Variants in NUP43 observed in about 807,000 individuals in gnomAD.
NUP43 encodes nucleoporin 43.
In NUP43, 32 loss-of-function variants were observed where a neutral mutation model predicts 47.3. The ratio of observed to expected loss-of-function variants is 0.68; its 90% CI spans 0.51 to 0.91. NUP43 has a LOEUF of 0.91. Ranked by LOEUF, NUP43 falls within the 40% of genes least tolerant of loss-of-function variation. The probability of loss-of-function intolerance (pLI) is 0.00; values close to 1 mark genes in which losing one functional copy is unlikely to be tolerated. For missense variants in NUP43, 444 were observed against 453.9 expected (o/e 0.98, Z 0.20); for synonymous variants, 147 against 158.4 (o/e 0.93, Z 0.54).
chr6:149,729,482 T>C (rs1293683331), intron 7 of NUP43: 3 of 978,224 alleles, frequency 3.1e-6, no homozygotes, highest in Non-Finnish European at 3.6e-6. Flanking sequence ...ACAACACTGG[T>C]GGTAGTTTCA....
Position 149,725,447 on chromosome 6 carries a change from G to C in NUP43, c.*1522C>G, listed in dbSNP as rs1784760182. ...CTACTAAAAATACAAAAATTAGCTG[G>C]GTGTGGTGGTGAGCACCTGTAATCC... On this transcript the variant is annotated 3_prime_UTR_variant, in exon 8 of 8. Transcript: ENST00000340413. 2 of 152,228 alleles carry C rather than the reference G, an allele frequency of 1.3e-5. No individual in the cohort carries two copies. Among genetic ancestry groups the C allele is most frequent in the Admixed American group, 6.5e-5 (1 of 15,274 alleles). The allele number at this position is 152,228 out of a possible 1,614,324, so 9.4% of individuals were successfully genotyped here.
rs1784719328 is a variant in NUP43 at position 149,724,417 on chromosome 6, C to T, written c.*2552G>A. 6.9e-6 allele frequency: 1 copy of T among 144,778 alleles called. No homozygotes were observed. Among genetic ancestry groups the T allele is most frequent in the African/African-American group, 2.5e-5 (1 of 39,428 alleles). The allele number at this position is 144,778 out of a possible 1,614,324, so 9.0% of individuals were successfully genotyped here. A position where few individuals can be genotyped will look rare whatever the true frequency, so the allele number is the denominator to read the frequency against. On this transcript the variant is annotated 3_prime_UTR_variant, in exon 8 of 8. Transcript: ENST00000340413. ...ACATAACAACTGGTGATTGGCTCATCTCACAGGCTCACATCATCAGTGTGT... is the reference window on the plus strand; with the variant it reads ...ACATAACAACTGGTGATTGGCTCATTTCACAGGCTCACATCATCAGTGTGT...
rs558297494 is a variant in NUP43, at chr6:149,725,263, G to C, written c.*1706C>G. On this transcript the variant is annotated 3_prime_UTR_variant, in exon 8 of 8. Transcript: ENST00000340413. Reference sequence around the variant, plus strand: ...ACCTGTGGTCAGGAGTTCGAGACCAGCCCTGGCCAACATGGTGAAACCCTG... The same window carrying C: ...ACCTGTGGTCAGGAGTTCGAGACCACCCCTGGCCAACATGGTGAAACCCTG... 6.6e-6 allele frequency: 1 copy of C among 152,078 alleles called. No individual in the cohort carries two copies. Among genetic ancestry groups the C allele is most frequent in the African/African-American group, 2.4e-5 (1 of 41,392 alleles). The allele number at this position is 152,078 out of a possible 1,614,324, so 9.4% of individuals were successfully genotyped here. A position where few individuals can be genotyped will look rare whatever the true frequency, so the allele number is the denominator to read the frequency against.
At chr6:149,742,268 C>G (rs1200927326) in intron 4 of NUP43, 122 bp downstream of exon 4, 1 of 794,500 alleles carries the variant, frequency 1.3e-6, no homozygotes, top group African/African-American at 1.7e-5. Flanking sequence ...TCAGGTGATC[C>G]ACCTGCCTCG....
At position 149,740,566 on chromosome 6, in the gene NUP43, T is replaced by G. The variant is rs567655843; in HGVS notation, c.503-1788A>C. Among the ~76,000 whole-genome samples the G allele has an allele frequency of 3.3e-5, 5 of 152,052 alleles. No individual in the cohort carries two copies. The East Asian group carries it at 7.7e-4, about 24-fold the overall frequency. ...ATCGCGTGAACCCAGGAGGTGGAGG[T>G]TGCAGTGAGCTGAGGTCGTGCCATT... On this transcript the variant is annotated intron_variant, in intron 4 of 7. Coordinates refer to ENST00000340413, the MANE Select transcript of NUP43 (RefSeq NM_198887.3).
At position 149,731,648 on chromosome 6, in the gene NUP43, G is replaced by A; in HGVS notation, c.878C>T (p.Thr293Ile). The A allele has an allele frequency of 1.9e-6, 3 of 1,613,616 alleles. No homozygotes were observed. The highest frequency in any genetic ancestry group is 1.3e-5 in the African/African-American group (1 of 74,962). The change falls in exon 7 of 8, where the codon ACA (threonine) becomes ATA (isoleucine). Residue 293 changes from threonine (T) to isoleucine (I), a missense_variant. Coordinates refer to ENST00000340413, the MANE Select transcript of NUP43 (RefSeq NM_198887.3). ...GAGTGACGACTTTTCAGGTACATCT[G>A]TGGAAGCATCCCAGTGCCAGAGGGA... Reference protein sequence around the residue: ...DGSLWHWDASTDVPEKSSLFH... With the variant: ...DGSLWHWDASIDVPEKSSLFH...
intron 7 of NUP43, among the ~76,000 whole-genome samples, chr6:149,731,110 A>G (rs1456827134): frequency 1.3e-5 from 2 of 151,910 alleles, no homozygotes; most frequent in Non-Finnish European, 2.9e-5. Flanking sequence ...TCTACTAAAA[A>G]TACAAAAAAA....
chr6:149,727,763 A>C, intron 7 of NUP43: 7 of 983,706 alleles, frequency 7.1e-6, no homozygotes, highest in Non-Finnish European at 8.4e-6. Flanking sequence ...TTAGAACACT[A>C]CTAGATTATA....
At chr6:149,731,549 T>A (rs1474124547) in intron 7 of NUP43, 64 bp downstream of exon 7, 99 of 1,422,544 alleles carry the variant, frequency 7.0e-5, no homozygotes, top group Non-Finnish European at 8.5e-5. Flanking sequence ...GGTGATAGAG[T>A]GAGACTCTGT....
Position 149,738,662 on chromosome 6 carries a change from G to A in NUP43, c.619C>T (p.Pro207Ser). The A allele has an allele frequency of 6.3e-7, 1 of 1,577,980 alleles. No individual in the cohort carries two copies. Among genetic ancestry groups the A allele is most frequent in the South Asian group, 1.2e-5 (1 of 82,050 alleles). ...IWDFRQQGNE[P>S]SQILSLTGDR... is the part of the protein sequence containing the mutation. ...ACTTACAGTGACAATATCTGAGAAG[G>A]CTCATTTCCTTGTTGTCTGAAATCC... Residue 207 changes from proline to serine, a missense_variant, in exon 5 of 8, where the codon CCT becomes TCT. Pro to Ser is a moderately conservative substitution (Grantham distance 74). Transcript: ENST00000340413.
At chr6:149,731,764 C>A (rs1422746406) in intron 6 of NUP43, 29 bp from the exon 7 acceptor site, 1 of 1,609,100 alleles carries the variant, frequency 6.2e-7, no homozygotes, top group South Asian at 1.1e-5. Flanking sequence ...TAAGCTCATT[C>A]CTGTGCAGAT....
At chr6:149,727,929 G>C in intron 7 of NUP43, 1 of 984,426 alleles carries the variant, frequency 1.0e-6, no homozygotes, top group South Asian at 4.7e-5. Flanking sequence ...AAATGACTGA[G>C]TACCTACTAT....
intron 5 of NUP43, among the ~76,000 whole-genome samples, chr6:149,737,274 A>G (rs1004714835): frequency 6.7e-6 from 1 of 148,402 alleles, no homozygotes; most frequent in Non-Finnish European, 1.5e-5. Context: ...ACAGAGTAAG[A>G]CTCTGTCTCA....
chr6:149,746,147 C>T lies in NUP43; in HGVS notation c.121-85G>A. On this transcript the variant is annotated intron_variant, in intron 1 of 7. Transcript: ENST00000340413. ...GTTGTGCTCCCGTCCGGAAATGTTG[C>T]TCCAAAACATCTCAAATGGTATGGT... The T allele has an allele frequency of 3.4e-6, 5 of 1,474,014 alleles. 1 individual carries two copies. Among genetic ancestry groups the T allele is most frequent in the Non-Finnish European group, 4.6e-6 (5 of 1,075,498 alleles). The allele number at this position is 1,474,014 out of a possible 1,614,324, so 91.3% of individuals were successfully genotyped here. A position where few individuals can be genotyped will look rare whatever the true frequency, so the allele number is the denominator to read the frequency against.
In NUP43 at chr6:149,727,109, G is replaced by C. The variant is rs144620391; in HGVS notation, c.1003C>G (p.Pro335Ala). ...SVISSWLSTD[P>A]AKDRIEITSL... ...GTGATTTCAATTCGGTCTTTTGCAG[G>C]ATCAGTGCTGAGCCAGGAGCTAATG... Residue 335 changes from proline to alanine, a missense_variant, in exon 8 of 8, where the codon CCT becomes GCT. Coordinates refer to ENST00000340413, the MANE Select transcript of NUP43 (RefSeq NM_198887.3). 2.0e-5 allele frequency: 33 copies of C among 1,614,120 alleles called. No individual in the cohort carries two copies. In the African/African-American group the frequency reaches 4.1e-4, roughly 20 times the overall value.
intron 6 of NUP43, among the ~76,000 whole-genome samples, chr6:149,736,244 T>C (rs573023071): frequency 2.6e-5 from 4 of 151,816 alleles, no homozygotes; most frequent in African/African-American, 9.7e-5. Flanking sequence ...GCCATTGCAC[T>C]CCAGCCTGGG....
intron 7 of NUP43, among the ~76,000 whole-genome samples, chr6:149,730,197 C>CG (rs1454937858): frequency 6.6e-6 from 1 of 151,318 alleles, no homozygotes; most frequent in African/African-American, 2.4e-5. Flanking sequence ...TTAGTAGAGA[C>CG]GGGGTTTCTC....
rs765947940 is a variant in NUP43, at chr6:149,746,527, A to T, written c.-32T>A. 2 of 1,614,114 alleles carry T rather than the reference A, an allele frequency of 1.2e-6. No homozygotes were observed. The highest frequency in any genetic ancestry group is 2.2e-5 in the South Asian group (2 of 91,084). On this transcript the variant is annotated 5_prime_UTR_variant, in exon 1 of 8. Transcript: ENST00000340413. ...AGCGGCCGCAGCAGGTACTGCAAAA[A>T]GCAAGCACAGTACGCGCCTCTCAGC...
In NUP43 at chr6:149,744,889, A is replaced by T. The variant is rs1438485577; in HGVS notation, c.243+1051T>A. On this transcript the variant is annotated intron_variant, in intron 2 of 7. Transcript: ENST00000340413. Reference sequence around the variant, plus strand: ...GCTAGATAGCTTTCTTTTTTATTTTATTTATTTATTTATTTATTTATTTAT... The same window carrying T: ...GCTAGATAGCTTTCTTTTTTATTTTTTTTATTTATTTATTTATTTATTTAT... Among the ~76,000 whole-genome samples the T allele has an allele frequency of 1.2e-4, 17 of 147,620 alleles. No homozygotes were observed. The South Asian group carries it at 2.5e-3, about 22-fold the overall frequency.
Sources: gnomAD v4.1 joint callset for allele counts (sites outside exome capture counted in the v4.1 genomes callset) on GRCh38, gnomAD v4.1.1 for gene constraint, MANE v1.5 for transcripts, NCBI Gene and HGNC (gene_info 2026-07-23, HGNC 2026-07-21) for gene names.